Variants in WWOX observed in about 807,000 individuals in gnomAD.
The protein encoded by WWOX is WW domain-containing oxidoreductase.
In WWOX, 69 loss-of-function variants were observed where a neutral mutation model predicts 46.2. The ratio of observed to expected loss-of-function variants is 1.49; its 90% CI spans 1.23 to 1.82. WWOX has a LOEUF of 1.82. Among genes scored for constraint, WWOX ranks in the 40% most tolerant of loss-of-function variants. The pLI is 0.00. For missense variants in WWOX, 919 were observed against 542.6 expected (o/e 1.69, Z -6.89); for synonymous variants, 359 against 202.6 (o/e 1.77, Z -6.56).
intron 8 of WWOX, among the ~76,000 whole-genome samples, chr16:78,502,745 A>T (rs1007141728): frequency 6.6e-6 from 1 of 152,214 alleles, no homozygotes; most frequent in South Asian, 2.1e-4. Context: ...AATGTTGTGC[A>T]TCAGAAAAAA....
At chr16:78,351,745 C>T (rs1301192743) in intron 5 of WWOX, among the ~76,000 whole-genome samples, 2 of 152,140 alleles carry the variant, frequency 1.3e-5, no homozygotes, top group African/African-American at 4.8e-5. Context: ...CAAACCCTGC[C>T]TCCCAGGTTC....
At chr16:79,127,837 C>T (rs527970451) in intron 8 of WWOX, among the ~76,000 whole-genome samples, 20 of 152,246 alleles carry the variant, frequency 1.3e-4, no homozygotes, top group African/African-American at 4.1e-4. Flanking sequence ...TGAATGCTCT[C>T]AAAATGTGCT....
chr16:78,520,314 G>A (rs1446127118), intron 8 of WWOX, among the ~76,000 whole-genome samples: 1 of 152,166 alleles, frequency 6.6e-6, no homozygotes, highest in East Asian at 1.9e-4. Context: ...TGTAAAAGTG[G>A]ATGGTACTTA....
At chr16:78,516,849 C>T (rs2043245844) in intron 8 of WWOX, among the ~76,000 whole-genome samples, 1 of 152,082 alleles carries the variant, frequency 6.6e-6, no homozygotes, top group Non-Finnish European at 1.5e-5. Context: ...GAGGCTGAAG[C>T]CAAACTGTGT....
intron 8 of WWOX, among the ~76,000 whole-genome samples, chr16:78,958,803 G>T (rs12446679): frequency 0.06 from 9,123 of 152,228 alleles, 460 homozygotes; most frequent in East Asian, 0.27. Context: ...GACATGGTTG[G>T]GGTAGTGGGC....
At chr16:78,207,444 A>G (rs2036428692) in intron 5 of WWOX, among the ~76,000 whole-genome samples, 1 of 151,954 alleles carries the variant, frequency 6.6e-6, no homozygotes, top group East Asian at 1.9e-4. Flanking sequence ...AACATTATCT[A>G]AGAGGGCTTG....
intron 8 of WWOX, among the ~76,000 whole-genome samples, chr16:78,894,143 A>T (rs765937089): frequency 5.3e-5 from 8 of 151,686 alleles, no homozygotes; most frequent in African/African-American, 1.9e-4. Context: ...GGCTCAAGCA[A>T]TCCTCCCACC....
intron 8 of WWOX, among the ~76,000 whole-genome samples, chr16:78,471,807 G>T (rs2151435585): frequency 6.6e-6 from 1 of 152,224 alleles, no homozygotes; most frequent in South Asian, 2.1e-4. Flanking sequence ...CCAAGGAGTG[G>T]TGTCATATCA....
At chr16:78,822,246 C>A (rs2151145327) in intron 8 of WWOX, among the ~76,000 whole-genome samples, 1 of 152,208 alleles carries the variant, frequency 6.6e-6, no homozygotes, top group East Asian at 1.9e-4. Context: ...GTAATCACAG[C>A]ACTTTAGGAG....
rs1567663432 is a variant in WWOX, at chr16:78,939,983, C to G, written c.1057-271625C>G. ...CATGGTTAGACCATAAACTACATAA[C>G]TGGAAATTTTAAATCTATTTTTATA... is the stretch of plus-strand genomic sequence containing the variant. On this transcript the variant is annotated intron_variant, in intron 8 of 8. Coordinates refer to ENST00000566780, the MANE Select transcript of WWOX (RefSeq NM_016373.4). Among the ~76,000 whole-genome samples the G allele has an allele frequency of 2.6e-5, 4 of 152,208 alleles. No individual in the cohort carries two copies. In the South Asian group the frequency reaches 8.3e-4, roughly 32 times the overall value.
intron 8 of WWOX, among the ~76,000 whole-genome samples, chr16:78,771,145 A>G (rs2050054218): frequency 6.6e-6 from 1 of 152,206 alleles, no homozygotes; most frequent in African/African-American, 2.4e-5. Flanking sequence ...TGGCCAGAGC[A>G]CGCATTTTAA....
intron 8 of WWOX, among the ~76,000 whole-genome samples, chr16:78,959,098 C>G (rs571624047): frequency 2.0e-5 from 3 of 152,128 alleles, no homozygotes; most frequent in East Asian, 3.9e-4. Context: ...ATTAGTAAGA[C>G]CATCTTCCAA....
chr16:78,882,853 C>T (rs1324846286), intron 8 of WWOX, among the ~76,000 whole-genome samples: 1 of 151,004 alleles, frequency 6.6e-6, no homozygotes, highest in Non-Finnish European at 1.5e-5. Flanking sequence ...GGCATTAATG[C>T]ATTTAGCAAA....
chr16:78,814,159 G>A (rs148620419), intron 8 of WWOX, among the ~76,000 whole-genome samples: 2 of 152,192 alleles, frequency 1.3e-5, no homozygotes, highest in African/African-American at 4.8e-5. Context: ...CCCGCTGCCG[G>A]CAAGCGGAGT....
intron 8 of WWOX, among the ~76,000 whole-genome samples, chr16:78,769,730 C>T (rs1306152387): frequency 1.3e-5 from 2 of 151,546 alleles, no homozygotes; most frequent in South Asian, 4.2e-4. Context: ...AGGCCGAGCA[C>T]AGTGACTCAT....
At chr16:78,848,314 G>C (rs1597715839) in intron 8 of WWOX, among the ~76,000 whole-genome samples, 1 of 152,130 alleles carries the variant, frequency 6.6e-6, no homozygotes, top group East Asian at 1.9e-4. Context: ...AAATCTTCAA[G>C]TCATATTTGC....
chr16:79,053,920 C>A (rs1276133382), intron 8 of WWOX, among the ~76,000 whole-genome samples: 1 of 151,826 alleles, frequency 6.6e-6, no homozygotes, highest in Non-Finnish European at 1.5e-5. Context: ...TGAGAGCTTT[C>A]GAAGAATCTG....
intron 8 of WWOX, among the ~76,000 whole-genome samples, chr16:78,464,434 G>A (rs1453008651): frequency 6.6e-6 from 1 of 152,160 alleles, no homozygotes; most frequent in Non-Finnish European, 1.5e-5. Context: ...TCCGTTTCTA[G>A]TAGTCCACAG....
At chr16:79,125,280 T>C (rs767547852) in intron 8 of WWOX, among the ~76,000 whole-genome samples, 3 of 152,194 alleles carry the variant, frequency 2.0e-5, no homozygotes, top group Non-Finnish European at 2.9e-5. Context: ...TATTTTAGAA[T>C]CTTCCAAACC....
Sources: gnomAD v4.1 joint callset for allele counts (sites outside exome capture counted in the v4.1 genomes callset) on GRCh38, gnomAD v4.1.1 for gene constraint, MANE v1.5 for transcripts, NCBI Gene and HGNC (gene_info 2026-07-23, HGNC 2026-07-21) for gene names.